Variants in SV2B observed in about 807,000 individuals in gnomAD.
SV2B encodes synaptic vesicle glycoprotein 2B, also known as solute carrier family 22 member B2.
SV2B carries 41 observed loss-of-function variants against 73.9 expected under a neutral mutation model. The observed-to-expected ratio is 0.56, with a 90% CI of 0.43 to 0.72. The LOEUF (loss-of-function observed/expected upper bound fraction) is 0.72. Among genes scored for constraint, SV2B ranks in the 30% least tolerant of loss-of-function variants. The pLI, the probability that SV2B is intolerant of heterozygous loss-of-function variation, is 0.00. For missense variants in SV2B, 764 were observed against 857.8 expected (o/e 0.89, Z 1.37); for synonymous variants, 314 against 314.2 (o/e 1.00, Z 0.01).
Position 91,172,738 on chromosome 15 carries a change from C to A in SV2B, c.-391-53135C>A, listed in dbSNP as rs2044167525. The stretch of plus-strand genomic sequence containing the variant: ...GTGTGACTTTGGGAAAGTTGCCGAA[C>A]CTCTCTGCACTTTGGCTTCATATCT... On this transcript the variant is annotated intron_variant, in intron 1 of 12. Coordinates refer to ENST00000394232, the MANE Select transcript of SV2B (RefSeq NM_001323032.3). Among the ~76,000 whole-genome samples, 5 of 152,216 alleles carry A rather than the reference C, an allele frequency of 3.3e-5. 1 individual carries two copies. In the South Asian group the frequency reaches 1.0e-3, roughly 31 times the overall value.
In SV2B at chr15:91,216,139, T is replaced by C. The variant is rs1384621378; in HGVS notation, c.-391-9734T>C. Among the ~76,000 whole-genome samples the C allele has an allele frequency of 2.0e-5, 3 of 152,154 alleles. No homozygotes were observed. The East Asian group carries it at 5.8e-4, about 29-fold the overall frequency. The stretch of plus-strand genomic sequence containing the variant: ...TTGTAAGTGGGGCGAGTGCAGCAAT[T>C]GTTGGAAGCCTCAAAGAACACTGTC... On this transcript the variant is annotated intron_variant, in intron 1 of 12. Transcript: ENST00000394232.
intron 1 of SV2B, among the ~76,000 whole-genome samples, chr15:91,113,043 A>T (rs911433822): frequency 2.6e-5 from 4 of 152,182 alleles, no homozygotes; most frequent in African/African-American, 7.2e-5. Context: ...TTTTGCCCAG[A>T]CTAGTCCTGA....
chr15:91,191,313 A>G (rs1005036526), intron 1 of SV2B, among the ~76,000 whole-genome samples: 1 of 151,974 alleles, frequency 6.6e-6, no homozygotes, highest in Non-Finnish European at 1.5e-5. Flanking sequence ...CTTCTTCTCA[A>G]TTAGGTCTTG....
chr15:91,239,097 G>C lies in SV2B; in HGVS notation c.451+12383G>C, dbSNP rs1171502724. ...TTAGCAGGGATGGAAGAAAGGGGGTGTGATAGAAGGTCCTGGAAATGTAAT... is the reference window on the plus strand; with the variant it reads ...TTAGCAGGGATGGAAGAAAGGGGGTCTGATAGAAGGTCCTGGAAATGTAAT... On this transcript the variant is annotated intron_variant, in intron 2 of 12. Transcript: ENST00000394232. This position sits in a 1 kb window ranked among gnomAD's most constrained non-coding sequence, Gnocchi z 5.1. Among the ~76,000 whole-genome samples, 1 of 152,226 alleles carries C rather than the reference G, an allele frequency of 6.6e-6. No homozygotes were observed. The highest frequency in any genetic ancestry group is 2.4e-5 in the African/African-American group (1 of 41,464).
In SV2B at chr15:91,140,969, C is replaced by T. The variant is rs1404997823; in HGVS notation, c.-392+40606C>T. Reference sequence around the variant, plus strand: ...CATATGTTAACACTAAGATTCTCCACACTTCCTCCAACTTCTTTTAAAATA... The same window carrying T: ...CATATGTTAACACTAAGATTCTCCATACTTCCTCCAACTTCTTTTAAAATA... On this transcript the variant is annotated intron_variant, in intron 1 of 12. Coordinates refer to ENST00000394232, the MANE Select transcript of SV2B (RefSeq NM_001323032.3). This position sits in a 1 kb window ranked among gnomAD's most constrained non-coding sequence, Gnocchi z 4.4. Among the ~76,000 whole-genome samples, 1 of 152,116 alleles carries T rather than the reference C, an allele frequency of 6.6e-6. No individual in the cohort carries two copies. The highest frequency in any genetic ancestry group is 1.9e-4 in the East Asian group (1 of 5,180).
rs1194381216 is a variant in SV2B, at chr15:91,295,063, C to G, written c.*2511C>G. The G allele has an allele frequency of 6.6e-6, 1 of 152,646 alleles. No individual in the cohort carries two copies. The highest frequency in any genetic ancestry group is 1.5e-5 in the Non-Finnish European group (1 of 68,062). The allele number at this position is 152,646 out of a possible 1,614,324, so 9.5% of individuals were successfully genotyped here. On this transcript the variant is annotated 3_prime_UTR_variant, in exon 13 of 13. Transcript: ENST00000394232. ...TGTACAGCATTCTGGCCATCCACTT[C>G]TTTTTCACTTCATGTTCTACCCCAA...
chr15:91,259,833 C>T (rs1292329604), intron 5 of SV2B, among the ~76,000 whole-genome samples: 1 of 152,156 alleles, frequency 6.6e-6, no homozygotes, highest in Non-Finnish European at 1.5e-5. Context: ...AAGGCTCCAC[C>T]TACTCCAGAA....
chr15:91,245,656 C>A lies in SV2B; in HGVS notation c.452-6163C>A, dbSNP rs1459805594. Among the ~76,000 whole-genome samples, 1 of 152,194 alleles carries A rather than the reference C, an allele frequency of 6.6e-6. No homozygotes were observed. Among genetic ancestry groups the A allele is most frequent in the African/African-American group, 2.4e-5 (1 of 41,434 alleles). On this transcript the variant is annotated intron_variant, in intron 2 of 12. Transcript: ENST00000394232. The surrounding 1 kb of genome is among the most constrained non-coding windows in gnomAD (Gnocchi z 4.2). ...GACACAGTGTCGAACTCTCCTCAAGCAAAATCAACATGGTCCCTTCGTCCA... is the reference window on the plus strand; with the variant it reads ...GACACAGTGTCGAACTCTCCTCAAGAAAAATCAACATGGTCCCTTCGTCCA...
chr15:91,174,925 T>C (rs1316380887), intron 1 of SV2B, among the ~76,000 whole-genome samples: 3 of 152,158 alleles, frequency 2.0e-5, no homozygotes, highest in Non-Finnish European at 4.4e-5. Context: ...ACTTCTATTC[T>C]GAGGGTCATA....
intron 1 of SV2B, among the ~76,000 whole-genome samples, chr15:91,187,660 G>GT (rs66704426): frequency 0.016 from 2,308 of 146,476 alleles, 51 homozygotes; most frequent in African/African-American, 0.05. Flanking sequence ...TTTATGTTTT[G>GT]TTTTTTTTTT....
In SV2B at chr15:91,260,409, G is replaced by A. The variant is rs200850864; in HGVS notation, c.1008G>A (p.Thr336=). Residue 336 remains threonine, a splice_region_variant and synonymous_variant, in exon 6 of 13, where the codon ACG becomes ACA. Coordinates refer to ENST00000394232, the MANE Select transcript of SV2B (RefSeq NM_001323032.3). ...RAKGTPEKVF[T]VSNIKTPKQM... ...AGGGGACCCCAGAGAAAGTGTTCAC[G>A]GTGAGTGTGGGGTTGCCTGCCAATA... 2.4e-5 allele frequency: 39 copies of A among 1,611,452 alleles called. No individual in the cohort carries two copies. The highest frequency in any genetic ancestry group is 8.0e-5 in the African/African-American group (6 of 74,752).
At position 91,123,468 on chromosome 15, in the gene SV2B, G is replaced by C. The variant is rs889427630; in HGVS notation, c.-392+23105G>C. Among the ~76,000 whole-genome samples the C allele has an allele frequency of 6.6e-6, 1 of 152,160 alleles. No homozygotes were observed. Among genetic ancestry groups the C allele is most frequent in the African/African-American group, 2.4e-5 (1 of 41,442 alleles). ...AATTAAAAGAAAGAAATAAGAGCTTGAGGAAGATACAGTGTAGGTAGGCCA... is the reference window on the plus strand; with the variant it reads ...AATTAAAAGAAAGAAATAAGAGCTTCAGGAAGATACAGTGTAGGTAGGCCA... On this transcript the variant is annotated intron_variant, in intron 1 of 12. Transcript: ENST00000394232. The surrounding 1 kb of genome is among the most constrained non-coding windows in gnomAD (Gnocchi z 4.7).
rs967572245 is a variant in SV2B, at chr15:91,283,871, G to A, written c.1508-150G>A. 1.0e-5 allele frequency: 8 copies of A among 772,852 alleles called. No individual in the cohort carries two copies. The highest frequency in any genetic ancestry group is 1.0e-4 in the African/African-American group (6 of 58,458). 47.9% of individuals were successfully genotyped at this position (772,852 alleles called of 1,614,324 possible). A position where few individuals can be genotyped will look rare whatever the true frequency, so the allele number is the denominator to read the frequency against. On this transcript the variant is annotated intron_variant, in intron 10 of 12. Transcript: ENST00000394232. The surrounding 1 kb of genome is among the most constrained non-coding windows in gnomAD (Gnocchi z 4.3). ...TCCTCATCCATACCTTGATGACATG[G>A]CCACATATTACCTTGACTTTGAGGC... is the stretch of plus-strand genomic sequence containing the variant.
Position 91,137,673 on chromosome 15 carries a change from CAT to C in SV2B, c.-392+37320_-392+37321del, listed in dbSNP as rs929111214. On this transcript the variant is annotated intron_variant, in intron 1 of 12. Coordinates refer to ENST00000394232, the MANE Select transcript of SV2B (RefSeq NM_001323032.3). The surrounding 1 kb of genome is among the most constrained non-coding windows in gnomAD (Gnocchi z 4.9). ...ATATATTTCATATATACATATATTT[CAT>C]ATATATATACACACACACACACATT... Among the ~76,000 whole-genome samples, 16 of 138,464 alleles carry C rather than the reference CAT, an allele frequency of 1.2e-4. No individual in the cohort carries two copies. Among genetic ancestry groups the C allele is most frequent in the African/African-American group, 3.2e-4 (12 of 38,084 alleles). 90.8% of individuals were successfully genotyped at this position (138,464 alleles called of 152,430 possible).
rs376057571 is a variant in SV2B, at chr15:91,268,782, T to C, written c.1373+177T>C. Among the ~76,000 whole-genome samples, 15 of 152,268 alleles carry C rather than the reference T, an allele frequency of 9.9e-5. No homozygotes were observed. In the East Asian group the frequency reaches 2.7e-3, roughly 27 times the overall value. On this transcript the variant is annotated intron_variant, in intron 9 of 12. Coordinates refer to ENST00000394232, the MANE Select transcript of SV2B (RefSeq NM_001323032.3). The surrounding 1 kb of genome is among the most constrained non-coding windows in gnomAD (Gnocchi z 4.4). ...GACGCCATAGCTCCCCTAGTGGCTG[T>C]GTCTGTGTTGTGCTGGCTCCCCGAC... is the stretch of plus-strand genomic sequence containing the variant.
At chr15:91,210,787 C>G (rs890605476) in intron 1 of SV2B, among the ~76,000 whole-genome samples, 1 of 152,232 alleles carries the variant, frequency 6.6e-6, no homozygotes, top group African/African-American at 2.4e-5. Flanking sequence ...AAGGTTCAAA[C>G]GAACCAGAAG....
chr15:91,143,017 G>C (rs929234133), intron 1 of SV2B, among the ~76,000 whole-genome samples: 2 of 152,194 alleles, frequency 1.3e-5, no homozygotes, highest in African/African-American at 4.8e-5. Flanking sequence ...TGTAAATGAG[G>C]CTCCTCTTAC....
chr15:91,157,379 T>C (rs553466175), intron 1 of SV2B, among the ~76,000 whole-genome samples: 2 of 147,034 alleles, frequency 1.4e-5, no homozygotes, highest in South Asian at 2.1e-4. Flanking sequence ...TTTGTTCCTC[T>C]TTTTCCTTCT....
chr15:91,138,909 T>C (rs1048369346), intron 1 of SV2B, among the ~76,000 whole-genome samples: 1 of 152,130 alleles, frequency 6.6e-6, no homozygotes, highest in African/African-American at 2.4e-5. Context: ...TTGGGAAACA[T>C]AAATTATTAA....
Sources: allele counts gnomAD v4.1 joint callset (sites outside exome capture counted in the v4.1 genomes callset), GRCh38; gene constraint gnomAD v4.1.1; non-coding constraint Gnocchi (gnomAD v3.1); transcripts MANE v1.5; gene names NCBI Gene and HGNC (gene_info 2026-07-23, HGNC 2026-07-21).